The following F10 variants were observed in gnomAD, a reference collection of about 807,000 sequenced individuals.
F10 encodes the protein Stuart-Prower factor.
In F10, 29 loss-of-function variants were observed where a neutral mutation model predicts 37.1. That is an observed-to-expected ratio of 0.78 (90% CI 0.58 to 1.07). The LOEUF (loss-of-function observed/expected upper bound fraction) is 1.07, where lower values mean the gene tolerates loss of function less well. F10 is among the 50% of genes least tolerant of loss of function. The probability of loss-of-function intolerance (pLI) is 0.00; values close to 1 mark genes in which losing one functional copy is unlikely to be tolerated. For synonymous variants in F10, 262 were observed against 268.6 expected (o/e 0.98, Z 0.24); for missense variants, 539 against 667.9 (o/e 0.81, Z 2.13).
chr13:113,129,943 G>C (rs1314594567), intron 2 of F10: 2 of 356,308 alleles, frequency 5.6e-6, no homozygotes, highest in Non-Finnish European at 1.1e-5. Context: ...GTCTCGGCCA[G>C]CGCCTCGCCG....
intron 2 of F10, among the ~76,000 whole-genome samples, chr13:113,137,820 C>G (rs2036493107): frequency 6.6e-6 from 1 of 152,138 alleles, no homozygotes; most frequent in Non-Finnish European, 1.5e-5. Context: ...GGACTTTCTC[C>G]TTTATTTAGG....
At chr13:113,137,214 A>G (rs1360945306) in intron 2 of F10, among the ~76,000 whole-genome samples, 1 of 152,240 alleles carries the variant, frequency 6.6e-6, no homozygotes, top group Non-Finnish European at 1.5e-5. Context: ...ATGAATTTCA[A>G]AGGCTTTGTA....
At position 113,141,160 on chromosome 13, in the gene F10, G is replaced by GT; in HGVS notation, c.502+111dup. The GT allele has an allele frequency of 6.7e-7, 1 of 1,490,546 alleles. No homozygotes were observed. The allele number at this position is 1,490,546 out of a possible 1,614,324, so 92.3% of individuals were successfully genotyped here. A position where few individuals can be genotyped will look rare whatever the true frequency, so the allele number is the denominator to read the frequency against. On this transcript the variant is annotated intron_variant, in intron 5 of 7. Transcript: ENST00000375559. The surrounding 1 kb of genome is among the most constrained non-coding windows in gnomAD (Gnocchi z 5.4). Reference sequence around the variant, plus strand: ...GGCATGTTCTGGGCGGGCCTGGCAGGTAACAGTGACACCAAGAGGACAGGA... The same window carrying GT: ...GGCATGTTCTGGGCGGGCCTGGCAGGTTAACAGTGACACCAAGAGGACAGGA...
In F10 at chr13:113,122,813, A is replaced by G. The variant is rs751183743; in HGVS notation, c.-43A>G. 6.2e-7 allele frequency: 1 copy of G among 1,601,972 alleles called. No homozygotes were observed. The highest frequency in any genetic ancestry group is 8.5e-7 in the Non-Finnish European group (1 of 1,176,366). The stretch of plus-strand genomic sequence containing the variant: ...GCTGGGGCGTGGACTTTGCTCCAGC[A>G]GCCTGTCCCAGTGAGGACAGGGACA... On this transcript the variant is annotated 5_prime_UTR_variant, in exon 1 of 8. Coordinates refer to ENST00000375559, the MANE Select transcript of F10 (RefSeq NM_000504.4).
At position 113,141,183 on chromosome 13, in the gene F10, G is replaced by A; in HGVS notation, c.502+133G>A. On this transcript the variant is annotated intron_variant, in intron 5 of 7. Transcript: ENST00000375559. The surrounding 1 kb of genome is among the most constrained non-coding windows in gnomAD (Gnocchi z 5.4). ...AGGTAACAGTGACACCAAGAGGACA[G>A]GACTGAGCCCTGGGCTCCGGGCCCA... The A allele has an allele frequency of 7.6e-7, 1 of 1,316,126 alleles. No homozygotes were observed. The allele number at this position is 1,316,126 out of a possible 1,614,324, so 81.5% of individuals were successfully genotyped here.
intron 7 of F10, among the ~76,000 whole-genome samples, chr13:113,148,689 C>T (rs1455533878): frequency 3.3e-5 from 5 of 152,098 alleles, no homozygotes; most frequent in South Asian, 4.1e-4. Flanking sequence ...GAGTGGCGGC[C>T]GTCTAAAGAA....
rs943903778 is a variant in F10, at chr13:113,149,239, A to G, written c.1189A>G (p.Ile397Val). 6.2e-7 allele frequency: 1 copy of G among 1,613,076 alleles called. No individual in the cohort carries two copies. The highest frequency in any genetic ancestry group is 1.3e-5 in the African/African-American group (1 of 74,928). ...RNSCKLSSSF[I>V]ITQNMFCAGY... ...CAGCTGCAAGCTGTCCAGCAGCTTC[A>G]TCATCACCCAGAACATGTTCTGTGC... Residue 397 changes from isoleucine (I) to valine (V), a missense_variant, in exon 8 of 8, where the codon ATC (isoleucine) becomes GTC (valine). Around this residue, in one of 2 missense-constraint regions of F10, gnomAD observed 409 missense variants for 547.9 expected, o/e 0.75. Transcript: ENST00000375559. The surrounding 1 kb of genome is among the most constrained non-coding windows in gnomAD (Gnocchi z 7.5).
Position 113,149,438 on chromosome 13 carries a change from A to T in F10, c.1388A>T (p.Asp463Val). 1 of 1,613,404 alleles carries T rather than the reference A, an allele frequency of 6.2e-7. No individual in the cohort carries two copies. Among genetic ancestry groups the T allele is most frequent in the Non-Finnish European group, 8.5e-7 (1 of 1,179,974 alleles). Reference protein sequence around the residue: ...TKVTAFLKWIDRSMKTRGLPK... With the variant: ...TKVTAFLKWIVRSMKTRGLPK... ...GTCACCGCCTTCCTCAAGTGGATCG[A>T]CAGGTCCATGAAAACCAGGGGCTTG... Residue 463 changes from aspartate to valine, a missense_variant, in exon 8 of 8, where the codon GAC becomes GTC. Physicochemically the swap from Asp to Val is radical, Grantham distance 152. Coordinates refer to ENST00000375559, the MANE Select transcript of F10 (RefSeq NM_000504.4). This position sits in a 1 kb window ranked among gnomAD's most constrained non-coding sequence, Gnocchi z 7.5.
Position 113,143,705 on chromosome 13 carries a change from G to GA in F10, c.503-146_503-145insA. Reference sequence around the variant, plus strand: ...GATCCGACCCCTGCCGACGACGTGGGGCCTCGCCCTGCAAGCCCGCTGCCC... The same window carrying GA: ...GATCCGACCCCTGCCGACGACGTGGGAGCCTCGCCCTGCAAGCCCGCTGCCC... On this transcript the variant is annotated intron_variant, in intron 5 of 7. Transcript: ENST00000375559. This position sits in a 1 kb window ranked among gnomAD's most constrained non-coding sequence, Gnocchi z 6.8. The GA allele has an allele frequency of 1.1e-5, 13 of 1,193,584 alleles. No individual in the cohort carries two copies. Among genetic ancestry groups the GA allele is most frequent in the South Asian group, 5.0e-5 (3 of 60,084 alleles). The allele number at this position is 1,193,584 out of a possible 1,614,324, so 73.9% of individuals were successfully genotyped here. A position where few individuals can be genotyped will look rare whatever the true frequency, so the allele number is the denominator to read the frequency against.
intron 1 of F10, among the ~76,000 whole-genome samples, chr13:113,126,828 G>A (rs1333290076): frequency 6.6e-6 from 1 of 152,194 alleles, no homozygotes; most frequent in Non-Finnish European, 1.5e-5. Context: ...CCCAACATGA[G>A]AGCCAGAGGC....
chr13:113,138,238 T>C (rs931383614), intron 2 of F10, among the ~76,000 whole-genome samples: 2 of 152,182 alleles, frequency 1.3e-5, no homozygotes, highest in Non-Finnish European at 2.9e-5. Flanking sequence ...TCAACAAAGA[T>C]GGTTCATTTA....
Position 113,149,476 on chromosome 13 carries a change from A to G in F10, c.1426A>G (p.Ser476Gly). Residue 476 changes from serine to glycine, a missense_variant, in exon 8 of 8, where the codon AGC (serine) becomes GGC (glycine). Coordinates refer to ENST00000375559, the MANE Select transcript of F10 (RefSeq NM_000504.4). The surrounding 1 kb of genome is among the most constrained non-coding windows in gnomAD (Gnocchi z 7.5). ...MKTRGLPKAK[S>G]HAPEVITSSP... ...AACCAGGGGCTTGCCCAAGGCCAAG[A>G]GCCATGCCCCGGAGGTCATAACGTC... 1 of 1,613,320 alleles carries G rather than the reference A, an allele frequency of 6.2e-7. No individual in the cohort carries two copies. Among genetic ancestry groups the G allele is most frequent in the Non-Finnish European group, 8.5e-7 (1 of 1,180,026 alleles).
At chr13:113,137,443 T>C (rs2036489296) in intron 2 of F10, among the ~76,000 whole-genome samples, 1 of 152,182 alleles carries the variant, frequency 6.6e-6, no homozygotes, top group African/African-American at 2.4e-5. Flanking sequence ...TCTCTCCATG[T>C]GTTGAAATTC....
chr13:113,140,853 C>T lies in F10; in HGVS notation c.371-66C>T, dbSNP rs542707661. 714 of 1,612,300 alleles carry T rather than the reference C, an allele frequency of 4.4e-4. 3 individuals are homozygous for T. The African/African-American group carries it at 8.8e-3, about 20-fold the overall frequency. ...GACAGGCAAGTGGATGTAGCTGGCA[C>T]CCTTGGGCCAGCCCAGCCTCCATTT... On this transcript the variant is annotated intron_variant, in intron 4 of 7. Transcript: ENST00000375559.
At chr13:113,140,853 C>G in intron 4 of F10, 66 bp from the exon 5 acceptor site, 1 of 1,612,300 alleles carries the variant, frequency 6.2e-7, no homozygotes, top group Non-Finnish European at 8.5e-7. Context: ...GTAGCTGGCA[C>G]CCTTGGGCCA....
chr13:113,140,240 ATT>A (rs541441351), intron 4 of F10, among the ~76,000 whole-genome samples: 2 of 144,810 alleles, frequency 1.4e-5, no homozygotes, highest in African/African-American at 2.5e-5. Flanking sequence ...GTCCCGGCTA[ATT>A]TTTTTTTTTT....
intron 2 of F10, chr13:113,130,021 C>T (rs1336914552): frequency 1.2e-5 from 4 of 330,644 alleles, no homozygotes; most frequent in South Asian, 2.5e-5. Context: ...CCTCCGTAGT[C>T]GCTGAGAGCC....
intron 1 of F10, among the ~76,000 whole-genome samples, chr13:113,125,354 T>C (rs1299060371): frequency 6.6e-6 from 1 of 152,236 alleles, no homozygotes; most frequent in African/African-American, 2.4e-5. Context: ...CCTTACTGAC[T>C]GAAAATTTTG....
Position 113,143,718 on chromosome 13 carries a change from A to AG in F10, c.503-133_503-132insG. On this transcript the variant is annotated intron_variant, in intron 5 of 7. Transcript: ENST00000375559. The surrounding 1 kb of genome is among the most constrained non-coding windows in gnomAD (Gnocchi z 6.8). The stretch of plus-strand genomic sequence containing the variant: ...CCGACGACGTGGGGCCTCGCCCTGC[A>AG]AGCCCGCTGCCCCTCCGGGTGCCCC... 1 of 1,316,260 alleles carries AG rather than the reference A, an allele frequency of 7.6e-7. No individual in the cohort carries two copies. The highest frequency in any genetic ancestry group is 1.0e-6 in the Non-Finnish European group (1 of 980,586). The allele number at this position is 1,316,260 out of a possible 1,614,324, so 81.5% of individuals were successfully genotyped here.
Sources: gnomAD v4.1 joint callset for allele counts (sites outside exome capture counted in the v4.1 genomes callset) on GRCh38, gnomAD v4.1.1 for gene constraint, gnomAD v4.1.1 regional missense constraint, Gnocchi (gnomAD v3.1) non-coding constraint, MANE v1.5 for transcripts, NCBI Gene and HGNC (gene_info 2026-07-23, HGNC 2026-07-21) for gene names.